LPAR3: variants seen among roughly 807,000 people sequenced by gnomAD.
The protein encoded by LPAR3 is lysophosphatidic acid receptor 3.
In LPAR3, 7 loss-of-function variants were observed where a neutral mutation model predicts 17.8. That is an observed-to-expected ratio of 0.39 (90% confidence interval 0.22 to 0.74). The LOEUF (loss-of-function observed/expected upper bound fraction) is 0.74. Among genes scored for constraint, LPAR3 ranks in the 30% least tolerant of loss-of-function variants. The pLI, the probability that LPAR3 is intolerant of heterozygous loss-of-function variation, is 0.40. For synonymous variants in LPAR3, 179 were observed against 179.9 expected (o/e 0.99, Z 0.04); for missense variants, 391 against 453.4 (o/e 0.86, Z 1.25).
intron 1 of LPAR3, among the ~76,000 whole-genome samples, chr1:84,884,664 ACTTTCC>A (rs1660425986): frequency 6.6e-6 from 1 of 152,242 alleles, no homozygotes; most frequent in African/African-American, 2.4e-5. Context: ...AAAGCATTTT[ACTTTCC>A]CCATCAACAA....
chr1:84,854,143 T>C (rs1659771657), intron 2 of LPAR3, among the ~76,000 whole-genome samples: 1 of 152,196 alleles, frequency 6.6e-6, no homozygotes, highest in African/African-American at 2.4e-5. Context: ...TTGTCATTAC[T>C]ATTCAAACTC....
At chr1:84,858,298 A>G (rs962956023) in intron 2 of LPAR3, among the ~76,000 whole-genome samples, 3 of 152,030 alleles carry the variant, frequency 2.0e-5, no homozygotes, top group African/African-American at 7.3e-5. Context: ...CCTGGGCAAC[A>G]TGGCGAAACT....
intron 1 of LPAR3, among the ~76,000 whole-genome samples, chr1:84,889,332 T>C (rs950409116): frequency 6.6e-6 from 1 of 151,870 alleles, no homozygotes; most frequent in Admixed American, 6.6e-5. Flanking sequence ...CTTTGCAGAG[T>C]AAACTAGAGA....
intron 2 of LPAR3, among the ~76,000 whole-genome samples, chr1:84,828,725 C>A (rs1659218136): frequency 6.6e-6 from 1 of 152,126 alleles, no homozygotes; most frequent in Admixed American, 6.5e-5. Flanking sequence ...TCTTCATTTT[C>A]TCTTTTTCCT....
intron 2 of LPAR3, among the ~76,000 whole-genome samples, chr1:84,828,789 T>A (rs1327918870): frequency 1.3e-5 from 2 of 152,220 alleles, no homozygotes; most frequent in African/African-American, 2.4e-5. Context: ...ATATTCTATT[T>A]GTGATAGCAA....
In LPAR3 at chr1:84,812,507, T is replaced by G. The variant is rs1658835077; in HGVS notation, c.*1339A>C. ...GTGCAGTGCTGCGATCTTGGCTCACTCTGCAACCTCCACCTCCCGGGTTCA... is the reference window on the plus strand; with the variant it reads ...GTGCAGTGCTGCGATCTTGGCTCACGCTGCAACCTCCACCTCCCGGGTTCA... On this transcript the variant is annotated 3_prime_UTR_variant, in exon 3 of 3. Coordinates refer to ENST00000370611, the MANE Select transcript of LPAR3 (RefSeq NM_012152.3). 7.0e-6 allele frequency: 1 copy of G among 143,252 alleles called. No homozygotes were observed. The highest frequency in any genetic ancestry group is 7.3e-5 in the Admixed American group (1 of 13,610). The allele number at this position is 143,252 out of a possible 1,614,324, so 8.9% of individuals were successfully genotyped here. A position where few individuals can be genotyped will look rare whatever the true frequency, so the allele number is the denominator to read the frequency against.
At chr1:84,835,449 G>A (rs1659378077) in intron 2 of LPAR3, among the ~76,000 whole-genome samples, 1 of 150,772 alleles carries the variant, frequency 6.6e-6, no homozygotes, top group East Asian at 1.9e-4. Flanking sequence ...ATTCGCAAAT[G>A]TGTGTACGTG....
intron 2 of LPAR3, among the ~76,000 whole-genome samples, chr1:84,831,030 T>C (rs988983778): frequency 1.3e-5 from 2 of 152,204 alleles, no homozygotes; most frequent in East Asian, 1.9e-4. Flanking sequence ...CACCTATATA[T>C]AGTTGATTAC....
At chr1:84,823,039 T>C (rs994587979) in intron 2 of LPAR3, among the ~76,000 whole-genome samples, 1 of 152,196 alleles carries the variant, frequency 6.6e-6, no homozygotes, top group Non-Finnish European at 1.5e-5. Context: ...ACTAACCTAG[T>C]AAGCCGCAGG....
chr1:84,869,390 A>G (rs1283296797), intron 1 of LPAR3, among the ~76,000 whole-genome samples: 1 of 152,206 alleles, frequency 6.6e-6, no homozygotes, highest in African/African-American at 2.4e-5. Context: ...CTGGTTCCAG[A>G]TCCTACTTTT....
At chr1:84,845,224 T>A (rs1196396465) in intron 2 of LPAR3, among the ~76,000 whole-genome samples, 2 of 152,208 alleles carry the variant, frequency 1.3e-5, no homozygotes, top group Non-Finnish European at 2.9e-5. Context: ...AAAGCATTTT[T>A]AAATCACTAA....
chr1:84,850,409 A>G (rs533641261), intron 2 of LPAR3, among the ~76,000 whole-genome samples: 1,676 of 151,006 alleles, frequency 0.011, 15 homozygotes, highest in South Asian at 0.032. Flanking sequence ...AAAAAAAAAA[A>G]AAAAAAAAGA....
chr1:84,891,289 A>T (rs1660548136), intron 1 of LPAR3, among the ~76,000 whole-genome samples: 1 of 152,148 alleles, frequency 6.6e-6, no homozygotes, highest in African/African-American at 2.4e-5. Context: ...TGCCAAAATG[A>T]CCTATTTTCT....
intron 2 of LPAR3, among the ~76,000 whole-genome samples, chr1:84,826,743 C>G (rs1179273645): frequency 6.6e-6 from 1 of 152,014 alleles, no homozygotes; most frequent in Non-Finnish European, 1.5e-5. Context: ...AAAAAAGATC[C>G]TGAAACAAAT....
At chr1:84,875,135 G>A (rs1660231918) in intron 1 of LPAR3, among the ~76,000 whole-genome samples, 1 of 152,146 alleles carries the variant, frequency 6.6e-6, no homozygotes, top group African/African-American at 2.4e-5. Context: ...CCTGATCTCA[G>A]ATGATCCGCC....
chr1:84,861,235 T>C (rs974938202), intron 2 of LPAR3, among the ~76,000 whole-genome samples: 14 of 152,216 alleles, frequency 9.2e-5, no homozygotes, highest in African/African-American at 3.4e-4. Context: ...TAATATACTA[T>C]CATTTGGGAG....
At chr1:84,873,106 C>T (rs1416135093) in intron 1 of LPAR3, among the ~76,000 whole-genome samples, 1 of 152,100 alleles carries the variant, frequency 6.6e-6, no homozygotes, top group Non-Finnish European at 1.5e-5. Flanking sequence ...CAAGAGGAGC[C>T]TAAGGAGACA....
At chr1:84,828,143 C>T (rs1659199431) in intron 2 of LPAR3, among the ~76,000 whole-genome samples, 1 of 152,084 alleles carries the variant, frequency 6.6e-6, no homozygotes, top group Admixed American at 6.5e-5. Flanking sequence ...CTATTGCAGG[C>T]CCTCACTAAA....
intron 2 of LPAR3, among the ~76,000 whole-genome samples, chr1:84,858,483 CAA>C (rs10615696): frequency 0.61 from 64,453 of 105,890 alleles, 17,407 homozygotes; most frequent in Middle Eastern, 0.68. Context: ...GAGACTGTCT[CAA>C]AAAAAAAAAA....
Sources: gnomAD v4.1 joint callset for allele counts (sites outside exome capture counted in the v4.1 genomes callset) on GRCh38, gnomAD v4.1.1 for gene constraint, MANE v1.5 for transcripts, NCBI Gene and HGNC (gene_info 2026-07-23, HGNC 2026-07-21) for gene names.